NPIPB11: variants seen among roughly 807,000 people sequenced by gnomAD.
The protein encoded by NPIPB11 is nuclear pore complex interacting protein family member B11.
A neutral mutation model predicts 32.8 loss-of-function variants in NPIPB11; 17 were observed. The ratio of observed to expected loss-of-function variants is 0.52; its 90% CI spans 0.35 to 0.78. The LOEUF is 0.78. NPIPB11 is among the 30% of genes least tolerant of loss of function. The pLI, the probability that NPIPB11 is intolerant of heterozygous loss-of-function variation, is 0.01. For missense variants in NPIPB11, 537 were observed against 1,000.4 expected, an observed-to-expected ratio of 0.54 and a Z score of 6.25; for synonymous variants, 209 against 398.4, an observed-to-expected ratio of 0.52 and a Z score of 5.66.
At chr16:29,382,259 G>A in exon 8 of NPIPB11, 1 of 1,603,068 alleles carries the variant, frequency 6.2e-7, no homozygotes, top group Non-Finnish European at 8.5e-7. Flanking sequence ...CATCCGCTGA[G>A]GGTGGAAGCG....
exon 8 of NPIPB11, chr16:29,382,325 C>A (rs1963515976): frequency 1.3e-6 from 2 of 1,557,478 alleles, no homozygotes; most frequent in Non-Finnish European, 1.7e-6. Context: ...TTATCATCTG[C>A]TGAGGGTGGA....
At chr16:29,389,855 A>G (rs1596674768) in intron 5 of NPIPB11, 86 bp downstream of exon 5, 2 of 1,567,026 alleles carry the variant, frequency 1.3e-6, no homozygotes, top group East Asian at 2.3e-5. Context: ...CAAATATTGT[A>G]GAAAATATTC....
chr16:29,400,810 G>A (rs1963970581), intron 2 of NPIPB11, among the ~76,000 whole-genome samples: 1 of 152,146 alleles, frequency 6.6e-6, no homozygotes, highest in Non-Finnish European at 1.5e-5. Context: ...AGCAGTACAG[G>A]CAGGCACAGA....
chr16:29,400,916 A>G (rs1164438358), intron 2 of NPIPB11, among the ~76,000 whole-genome samples: 1 of 151,982 alleles, frequency 6.6e-6, no homozygotes, highest in African/African-American at 2.4e-5. Context: ...TACCCCCACT[A>G]TCCCCACAGA....
chr16:29,383,138 G>A, exon 8 of NPIPB11: 2 of 1,595,264 alleles, frequency 1.3e-6, no homozygotes, highest in Non-Finnish European at 1.7e-6. Context: ...GGTCTCTTGA[G>A]ATTATCATCC....
At chr16:29,392,354 T>G (rs1402202185) in intron 3 of NPIPB11, among the ~76,000 whole-genome samples, 2 of 151,518 alleles carry the variant, frequency 1.3e-5, no homozygotes, top group Non-Finnish European at 2.9e-5. Flanking sequence ...AGGTGCGAAG[T>G]TGTCCAAGTC....
rs1963815219 is a variant in NPIPB11 at position 29,394,873 on chromosome 16, G to T, written c.121-797C>A. 2.0e-5 allele frequency among the ~76,000 whole-genome samples: 3 copies of T among 149,980 alleles called. No individual in the cohort carries two copies. In the South Asian group the frequency reaches 6.4e-4, roughly 32 times the overall value. ...TGATTCTCCTGCCTCAGCCTCCTGA[G>T]TAGCTGGGAGTACAGGTGCCTGACA... On this transcript the variant is annotated intron_variant, in intron 2 of 7. Transcript: ENST00000524087.
intron 2 of NPIPB11, among the ~76,000 whole-genome samples, chr16:29,397,410 C>T (rs371824398): frequency 1.8e-4 from 27 of 151,172 alleles, no homozygotes; most frequent in East Asian, 6.0e-4. Flanking sequence ...GGGGTTTCGC[C>T]ATGATGCCCT....
chr16:29,399,104 G>A (rs546038167), intron 2 of NPIPB11, among the ~76,000 whole-genome samples: 6,453 of 150,994 alleles, frequency 0.043, 453 homozygotes, highest in African/African-American at 0.15. Flanking sequence ...TGTGTGATGG[G>A]TGGGGAGCTC....
At chr16:29,390,458 G>A in intron 3 of NPIPB11, 110 bp from the exon 4 acceptor site, 5 of 1,540,390 alleles carry the variant, frequency 3.2e-6, no homozygotes, top group South Asian at 1.1e-5. Context: ...AGCAAGACCA[G>A]CCTGGCCAAG....
exon 8 of NPIPB11, chr16:29,382,989 C>G: frequency 6.2e-7 from 1 of 1,600,710 alleles, no homozygotes; most frequent in Non-Finnish European, 8.5e-7. Context: ...GGGGAGTGAG[C>G]TGACGCTCGG....
chr16:29,390,076 AT>A lies in NPIPB11; in HGVS notation c.409del (p.Ile137LeufsTer3). 1 of 1,583,020 alleles carries A rather than the reference AT, an allele frequency of 6.3e-7. No individual in the cohort carries two copies. Among genetic ancestry groups the A allele is most frequent in the Non-Finnish European group, 8.6e-7 (1 of 1,168,538 alleles). ...TAGAGTAATGACGTCTTTCAGGCCA[AT>A]TTTATTTCCTCGAAAGGAAGAAACT... is the stretch of plus-strand genomic sequence containing the variant. On this transcript the variant is annotated frameshift_variant, in exon 5 of 8. Coordinates refer to ENST00000524087, the Ensembl canonical transcript of NPIPB11. LOFTEE classifies it high-confidence loss of function.
At chr16:29,400,080 T>G (rs1446719114) in intron 2 of NPIPB11, among the ~76,000 whole-genome samples, 1 of 151,186 alleles carries the variant, frequency 6.6e-6, no homozygotes, top group Admixed American at 6.6e-5. Context: ...AGACTCTGTC[T>G]CAAAAAAAAA....
At chr16:29,382,268 C>G (rs80163283) in exon 8 of NPIPB11, 1 of 1,604,158 alleles carries the variant, frequency 6.2e-7, no homozygotes, top group Non-Finnish European at 8.5e-7. Context: ...AGGGTGGAAG[C>G]GGAACCCACA....
At chr16:29,399,974 G>T (rs1963950612) in intron 2 of NPIPB11, among the ~76,000 whole-genome samples, 1 of 151,768 alleles carries the variant, frequency 6.6e-6, no homozygotes, top group African/African-American at 2.4e-5. Context: ...CTACTCAGGA[G>T]ACTGAGGCAG....
rs62035607 is a variant in NPIPB11, at chr16:29,402,722, C to G, written c.120+961G>C. Reference sequence around the variant, plus strand: ...TGTCTCTCTCTCTCTCTCTCTCTCTCTCTGTGTGTGTGTGTGTGTGTGTGT... The same window carrying G: ...TGTCTCTCTCTCTCTCTCTCTCTCTGTCTGTGTGTGTGTGTGTGTGTGTGT... On this transcript the variant is annotated intron_variant, in intron 2 of 7. Transcript: ENST00000524087. 8.8e-3 allele frequency among the ~76,000 whole-genome samples: 993 copies of G among 113,326 alleles called. 11 individuals carry two copies. The highest frequency in any genetic ancestry group is 0.061 in the Admixed American group (663 of 10,890). The allele number at this position is 113,326 out of a possible 152,430, so 74.3% of individuals were successfully genotyped here.
At chr16:29,397,176 A>AT (rs1389107607) in intron 2 of NPIPB11, among the ~76,000 whole-genome samples, 1 of 150,758 alleles carries the variant, frequency 6.6e-6, no homozygotes, top group African/African-American at 2.4e-5. Context: ...GTCTAAAAAA[A>AT]AAAAAAAGTC....
exon 8 of NPIPB11, chr16:29,383,245 G>T (rs768216201): frequency 6.4e-7 from 1 of 1,560,506 alleles, no homozygotes; most frequent in Non-Finnish European, 8.7e-7. Context: ...GTGAGCTGAC[G>T]CTCGGAAGGT....
At chr16:29,394,539 A>T (rs1176343098) in intron 2 of NPIPB11, among the ~76,000 whole-genome samples, 1 of 148,998 alleles carries the variant, frequency 6.7e-6, no homozygotes, top group African/African-American at 2.5e-5. Flanking sequence ...GGCTCAAGCC[A>T]TTCTCCTGCC....
Sources: gnomAD v4.1 joint callset for allele counts (sites outside exome capture counted in the v4.1 genomes callset) on GRCh38, gnomAD v4.1.1 for gene constraint, MANE v1.5 for transcripts, NCBI Gene and HGNC (gene_info 2026-07-23, HGNC 2026-07-21) for gene names.